Variants in CARS1 observed in about 807,000 individuals in gnomAD.
CARS1 encodes the protein cysteinyl-tRNA synthetase 1.
Under a neutral mutation model 106.2 loss-of-function variants are expected in CARS1, and 48 were observed. That is an observed-to-expected ratio of 0.45 (90% CI 0.36 to 0.57). CARS1 has a LOEUF of 0.57. Ranked by LOEUF, CARS1 falls within the 20% of genes least tolerant of loss-of-function variation. The probability of loss-of-function intolerance (pLI) is 0.00; values close to 1 mark genes in which losing one functional copy is unlikely to be tolerated. For missense variants in CARS1, 968 were observed against 1,057.2 expected, an observed-to-expected ratio of 0.92 and a Z score of 1.17; for synonymous variants, 409 against 403.4, an observed-to-expected ratio of 1.01 and a Z score of -0.17.
intron 7 of CARS1, among the ~76,000 whole-genome samples, chr11:3,036,481 G>T (rs1049061285): frequency 7.9e-5 from 12 of 152,086 alleles, no homozygotes; most frequent in African/African-American, 2.9e-4. Flanking sequence ...CAAAACCACA[G>T]TATACCACCT....
In CARS1 at chr11:3,038,927, A is replaced by G. The variant is rs1854045449; in HGVS notation, c.651+267T>C. ...CATTTTTATAAGTGTAATTAGTGGCACTGTGATGAATTCAGTTGTTTTCCT... is the reference window on the plus strand; with the variant it reads ...CATTTTTATAAGTGTAATTAGTGGCGCTGTGATGAATTCAGTTGTTTTCCT... On this transcript the variant is annotated intron_variant, in intron 6 of 22. Coordinates refer to ENST00000380525, the MANE Select transcript of CARS1 (RefSeq NM_001014437.3). This position sits in a 1 kb window ranked among gnomAD's most constrained non-coding sequence, Gnocchi z 4.0. Among the ~76,000 whole-genome samples, 1 of 152,226 alleles carries G rather than the reference A, an allele frequency of 6.6e-6. No individual in the cohort carries two copies. Among genetic ancestry groups the G allele is most frequent in the South Asian group, 2.1e-4 (1 of 4,832 alleles).
chr11:3,042,095 G>C, intron 3 of CARS1, 70 bp downstream of exon 3: 2 of 1,129,278 alleles, frequency 1.8e-6, no homozygotes, highest in Non-Finnish European at 2.7e-6. Flanking sequence ...TGTGCGACAA[G>C]GCACATGGGC....
intron 16 of CARS1, among the ~76,000 whole-genome samples, chr11:3,016,523 TG>T (rs963681253): frequency 1.4e-4 from 22 of 152,154 alleles, no homozygotes; most frequent in African/African-American, 4.3e-4. Context: ...GCGCCTGGCG[TG>T]GTTTTGCTTT....
chr11:3,056,341 T>C (rs1856198684), intron 1 of CARS1, among the ~76,000 whole-genome samples: 1 of 152,256 alleles, frequency 6.6e-6, no homozygotes, highest in Non-Finnish European at 1.5e-5. Flanking sequence ...ATGTTTCCTT[T>C]GGAAAGGCTG....
chr11:3,015,418 C>G (rs1850888101), intron 17 of CARS1, among the ~76,000 whole-genome samples: 1 of 152,244 alleles, frequency 6.6e-6, no homozygotes, highest in Admixed American at 6.5e-5. Flanking sequence ...TTCGATGAAG[C>G]ATTTACTGAA....
chr11:3,028,802 G>A lies in CARS1; in HGVS notation c.1031+194C>T. ...GGTTAGGTTCTCACCATGGCCCCCA[G>A]GACAGTGCAGACCCATGCTCCTCAG... is the stretch of plus-strand genomic sequence containing the variant. On this transcript the variant is annotated intron_variant, in intron 9 of 22. Transcript: ENST00000380525. The surrounding 1 kb of genome is among the most constrained non-coding windows in gnomAD (Gnocchi z 4.4). 3.4e-6 allele frequency: 2 copies of A among 588,954 alleles called. No homozygotes were observed. Among genetic ancestry groups the A allele is most frequent in the Non-Finnish European group, 3.0e-6 (1 of 331,418 alleles). The allele number at this position is 588,954 out of a possible 1,614,324, so 36.5% of individuals were successfully genotyped here.
chr11:3,055,221 C>T (rs148987969), intron 1 of CARS1, among the ~76,000 whole-genome samples: 146 of 151,934 alleles, frequency 9.6e-4, no homozygotes, highest in African/African-American at 2.8e-3. Flanking sequence ...AGTGCAGTGG[C>T]GCAATCTCGA....
chr11:3,029,592 T>C lies in CARS1; in HGVS notation c.802-149A>G. ...CCACCGTCTCCTAGGGAGACTGTGATGCTTACACAACTGGCTCGGCAGGGA... is the reference window on the plus strand; with the variant it reads ...CCACCGTCTCCTAGGGAGACTGTGACGCTTACACAACTGGCTCGGCAGGGA... On this transcript the variant is annotated intron_variant, in intron 7 of 22. Transcript: ENST00000380525. This position sits in a 1 kb window ranked among gnomAD's most constrained non-coding sequence, Gnocchi z 5.9. The C allele has an allele frequency of 1.3e-6, 1 of 741,186 alleles. No homozygotes were observed. Among genetic ancestry groups the C allele is most frequent in the Non-Finnish European group, 2.2e-6 (1 of 464,172 alleles). The allele number at this position is 741,186 out of a possible 1,614,324, so 45.9% of individuals were successfully genotyped here.
intron 10 of CARS1, among the ~76,000 whole-genome samples, chr11:3,025,334 T>C (rs1028638914): frequency 3.9e-5 from 6 of 152,164 alleles, no homozygotes; most frequent in African/African-American, 1.4e-4. Flanking sequence ...TTCAAGTGAT[T>C]CTCATGCCTC....
intron 10 of CARS1, among the ~76,000 whole-genome samples, chr11:3,025,578 T>A (rs542565066): frequency 6.6e-6 from 1 of 152,322 alleles, no homozygotes; most frequent in South Asian, 2.1e-4. Context: ...GATAAAAGTA[T>A]GAACATTTTT....
rs376603650 is a variant in CARS1 at position 3,005,496 on chromosome 11, A to AGCCCTGCCCT, written c.2150-73_2150-64dup. On this transcript the variant is annotated intron_variant, in intron 19 of 22. Transcript: ENST00000380525. ...TGTGGGCCGTCCCCACTGCGGGGCC[A>AGCCCTGCCCT]GCCCTGCCCTGCCCTGCCCTGCCCA... The AGCCCTGCCCT allele has an allele frequency of 7.4e-4, 967 of 1,305,362 alleles. 14 individuals carry two copies. In the Admixed American group the frequency reaches 0.013, roughly 17 times the overall value. 80.9% of individuals were successfully genotyped at this position (1,305,362 alleles called of 1,614,324 possible). A position where few individuals can be genotyped will look rare whatever the true frequency, so the allele number is the denominator to read the frequency against.
chr11:3,023,326 T>A (rs1320390873), intron 10 of CARS1, among the ~76,000 whole-genome samples: 1 of 152,214 alleles, frequency 6.6e-6, no homozygotes, highest in African/African-American at 2.4e-5. Context: ...TCTAAGGACT[T>A]TAAGAAATGC....
intron 17 of CARS1, among the ~76,000 whole-genome samples, chr11:3,012,485 A>T (rs1850579385): frequency 6.6e-6 from 1 of 152,226 alleles, no homozygotes; most frequent in Non-Finnish European, 1.5e-5. Context: ...ACAGACTCTC[A>T]GGCCAGAGAG....
rs772417274 is a variant in CARS1 at position 3,003,110 on chromosome 11, C to T, written c.2218-510G>A. On this transcript the variant is annotated intron_variant, in intron 20 of 22. Transcript: ENST00000380525. The surrounding 1 kb of genome is among the most constrained non-coding windows in gnomAD (Gnocchi z 4.8). ...AGCCCACTCCAACCAGCAGGCAGCACCCGGGCAGGGGCGAGGACAGTCTGA... is the reference window on the plus strand; with the variant it reads ...AGCCCACTCCAACCAGCAGGCAGCATCCGGGCAGGGGCGAGGACAGTCTGA... Among the ~76,000 whole-genome samples, 14 of 152,144 alleles carry T rather than the reference C, an allele frequency of 9.2e-5. No homozygotes were observed. The highest frequency in any genetic ancestry group is 1.3e-4 in the Non-Finnish European group (9 of 68,024).
intron 18 of CARS1, 56 bp downstream of exon 18, chr11:3,012,139 C>G: frequency 6.7e-7 from 1 of 1,486,074 alleles, no homozygotes. Context: ...ACGCCCGGTC[C>G]GGGGAGCCCA....
At chr11:3,054,139 C>A (rs1855958448) in intron 1 of CARS1, among the ~76,000 whole-genome samples, 1 of 152,180 alleles carries the variant, frequency 6.6e-6, no homozygotes, top group Non-Finnish European at 1.5e-5. Flanking sequence ...GAGACCAGCG[C>A]CTCCTCCCAC....
In CARS1 at chr11:3,046,812, A is replaced by T. The variant is rs1402505712; in HGVS notation, c.274+941T>A. Among the ~76,000 whole-genome samples, 1 of 152,200 alleles carries T rather than the reference A, an allele frequency of 6.6e-6. No individual in the cohort carries two copies. Among genetic ancestry groups the T allele is most frequent in the Non-Finnish European group, 1.5e-5 (1 of 68,046 alleles). ...AAAGGCATACTTCAGTGATGATGGCATGGAGCCCCCTCAGATTTGCCACAG... is the reference window on the plus strand; with the variant it reads ...AAAGGCATACTTCAGTGATGATGGCTTGGAGCCCCCTCAGATTTGCCACAG... On this transcript the variant is annotated intron_variant, in intron 2 of 22. Transcript: ENST00000380525. This position sits in a 1 kb window ranked among gnomAD's most constrained non-coding sequence, Gnocchi z 5.8.
At chr11:3,007,770 G>C (rs533781286) in intron 18 of CARS1, 2 of 152,328 alleles carry the variant, frequency 1.3e-5, no homozygotes, top group East Asian at 3.9e-4. Flanking sequence ...GTGCAGACTT[G>C]CCCGGCATCC....
rs117520230 is a variant in CARS1 at position 3,033,679 on chromosome 11, A to G, written c.802-4236T>C. ...AAAAACAGAATAAATCCAAAGGAAAAAGAAGAAAAGAAGGAATAAAGAATG... is the reference window on the plus strand; with the variant it reads ...AAAAACAGAATAAATCCAAAGGAAAGAGAAGAAAAGAAGGAATAAAGAATG... On this transcript the variant is annotated intron_variant, in intron 7 of 22. Coordinates refer to ENST00000380525, the MANE Select transcript of CARS1 (RefSeq NM_001014437.3). 3.2e-3 allele frequency among the ~76,000 whole-genome samples: 481 copies of G among 152,344 alleles called. 2 individuals are homozygous for G. The highest frequency in any genetic ancestry group is 5.5e-3 in the Non-Finnish European group (376 of 68,022).
Sources: allele counts gnomAD v4.1 joint callset (sites outside exome capture counted in the v4.1 genomes callset), GRCh38; gene constraint gnomAD v4.1.1; non-coding constraint Gnocchi (gnomAD v3.1); transcripts MANE v1.5; gene names NCBI Gene and HGNC (gene_info 2026-07-23, HGNC 2026-07-21).